PDIA3: variants seen among roughly 807,000 people sequenced by gnomAD.
PDIA3 encodes protein disulfide isomerase family A member 3.
In PDIA3, 16 loss-of-function variants were observed where a neutral mutation model predicts 56.9. The ratio of observed to expected loss-of-function variants is 0.28; its 90% CI spans 0.19 to 0.43. The LOEUF (loss-of-function observed/expected upper bound fraction) is 0.43. Among genes scored for constraint, PDIA3 ranks in the 20% least tolerant of loss-of-function variants. The pLI, the probability that PDIA3 is intolerant of heterozygous loss-of-function variation, is 1.00. For synonymous variants in PDIA3, 192 were observed against 216.5 expected (o/e 0.89, Z 0.99); for missense variants, 485 against 621.3 (o/e 0.78, Z 2.33).
At chr15:43,766,093 T>A in intron 7 of PDIA3, 81 bp downstream of exon 7, 2 of 1,191,878 alleles carry the variant, frequency 1.7e-6, no homozygotes. Context: ...TGTTGGTTCC[T>A]TAAGAATCTG....
intron 3 of PDIA3, among the ~76,000 whole-genome samples, chr15:43,759,147 G>A (rs1057386338): frequency 1.3e-5 from 2 of 151,892 alleles, no homozygotes; most frequent in African/African-American, 2.4e-5. Flanking sequence ...AAAATTAGCC[G>A]GGTGCAGTGG....
chr15:43,749,081 T>TTTTTG (rs560283150), intron 1 of PDIA3, among the ~76,000 whole-genome samples: 40 of 151,588 alleles, frequency 2.6e-4, no homozygotes, highest in Middle Eastern at 3.4e-3. Flanking sequence ...TGTTTTTTTG[T>TTTTTG]TTTTGTTTTG....
At chr15:43,749,696 G>T (rs2086731161) in intron 1 of PDIA3, among the ~76,000 whole-genome samples, 1 of 152,118 alleles carries the variant, frequency 6.6e-6, no homozygotes, top group African/African-American at 2.4e-5. Context: ...GGGAGGCTGA[G>T]TTGGGAAAAT....
At chr15:43,754,075 T>TA (rs1337807063) in intron 2 of PDIA3, among the ~76,000 whole-genome samples, 173 bp downstream of exon 2, 4 of 152,226 alleles carry the variant, frequency 2.6e-5, no homozygotes, top group Non-Finnish European at 5.9e-5. Context: ...TCTGGGCAAA[T>TA]ACACAACTGA....
intron 1 of PDIA3, chr15:43,751,893 A>C (rs1458127093): frequency 1.7e-5 from 9 of 527,804 alleles, no homozygotes; most frequent in Non-Finnish European, 2.7e-5. Context: ...AAGATAGTTG[A>C]AACAATTAAC....
At position 43,773,186 on chromosome 15, in the gene PDIA3, TACTC is replaced by T; in HGVS notation, c.*1971_*1974del. On this transcript the variant is annotated 3_prime_UTR_variant, in exon 13 of 13. Transcript: ENST00000300289. Reference sequence around the variant, plus strand: ...AATGTGGGACAATTTCTGGTGAAGGTACTCACAGCGACGCTTTTCTTCTCTGTAA... The same window carrying T: ...AATGTGGGACAATTTCTGGTGAAGGTACAGCGACGCTTTTCTTCTCTGTAA... 7 of 1,614,028 alleles carry T rather than the reference TACTC, an allele frequency of 4.3e-6. No individual in the cohort carries two copies. Among genetic ancestry groups the T allele is most frequent in the Non-Finnish European group, 5.9e-6 (7 of 1,179,990 alleles).
chr15:43,766,836 C>T lies in PDIA3; in HGVS notation c.954C>T (p.Ser318=). 1.2e-6 allele frequency: 2 copies of T among 1,613,390 alleles called. No individual in the cohort carries two copies. The highest frequency in any genetic ancestry group is 1.3e-5 in the African/African-American group (1 of 75,032). The part of the protein sequence containing the change: ...SHELSDFGLE[S]TAGEIPVVAI... ...AACTTTCTGATTTTGGCTTGGAGAG[C>T]ACTGCTGGAGAGATTCCTGTTGTTG... is the stretch of plus-strand genomic sequence containing the variant. Residue 318 remains serine (S), a synonymous_variant, in exon 8 of 13, where the codon AGC becomes AGT. Coordinates refer to ENST00000300289, the MANE Select transcript of PDIA3 (RefSeq NM_005313.5).
At chr15:43,751,319 A>G (rs1345019846) in intron 1 of PDIA3, among the ~76,000 whole-genome samples, 1 of 151,770 alleles carries the variant, frequency 6.6e-6, no homozygotes, top group Non-Finnish European at 1.5e-5. Flanking sequence ...TGGTGTTCCT[A>G]TAAGGAAAGG....
At chr15:43,758,198 T>C (rs1253516979) in intron 3 of PDIA3, among the ~76,000 whole-genome samples, 3 of 150,030 alleles carry the variant, frequency 2.0e-5, no homozygotes, top group Non-Finnish European at 4.4e-5. Flanking sequence ...GATCATGCCA[T>C]TGTACTCCAG....
intron 1 of PDIA3, among the ~76,000 whole-genome samples, chr15:43,753,139 G>C (rs1407222004): frequency 6.7e-6 from 1 of 150,280 alleles, no homozygotes; most frequent in Non-Finnish European, 1.5e-5. Flanking sequence ...GTGCAGTGGC[G>C]CGATGTCAGC....
rs745905098 is a variant in PDIA3 at position 43,761,461 on chromosome 15, A to G, written c.402A>G (p.Pro134=). Residue 134 remains proline (P), a synonymous_variant, in exon 4 of 13, where the codon CCA becomes CCG. Transcript: ENST00000300289. ...IVSHLKKQAG[P]ASVPLRTEEE... The stretch of plus-strand genomic sequence containing the variant: ...GCCACTTGAAGAAGCAGGCAGGACC[A>G]GCTTCAGTGCCTCTCAGGACTGAGG... 5 of 1,607,044 alleles carry G rather than the reference A, an allele frequency of 3.1e-6. No individual in the cohort carries two copies. Among genetic ancestry groups the G allele is most frequent in the Non-Finnish European group, 4.3e-6 (5 of 1,174,400 alleles).
chr15:43,760,531 T>A (rs12442692), intron 3 of PDIA3, among the ~76,000 whole-genome samples: 3 of 30,850 alleles, frequency 9.7e-5, no homozygotes, highest in African/African-American at 4.8e-5. Flanking sequence ...AAAAAAAAAC[T>A]TTTTTTTTTT....
At chr15:43,751,043 A>C (rs2086740324) in intron 1 of PDIA3, among the ~76,000 whole-genome samples, 1 of 151,588 alleles carries the variant, frequency 6.6e-6, no homozygotes, top group Non-Finnish European at 1.5e-5. Flanking sequence ...GAGGCAGGAG[A>C]ATTGCTTGAA....
intron 3 of PDIA3, among the ~76,000 whole-genome samples, chr15:43,758,674 TG>T (rs2086795404): frequency 7.1e-6 from 1 of 140,914 alleles, no homozygotes; most frequent in Non-Finnish European, 1.5e-5. Flanking sequence ...AAAAAAAGAT[TG>T]AAAAAATTAA....
At chr15:43,755,029 T>G (rs1478726828) in intron 2 of PDIA3, among the ~76,000 whole-genome samples, 1 of 151,690 alleles carries the variant, frequency 6.6e-6, no homozygotes, top group Non-Finnish European at 1.5e-5. Flanking sequence ...CTATAAAGGT[T>G]AAAATAATCA....
Position 43,771,236 on chromosome 15 carries a change from A to G in PDIA3, c.*18A>G. 1 of 1,494,992 alleles carries G rather than the reference A, an allele frequency of 6.7e-7. No homozygotes were observed. The highest frequency in any genetic ancestry group is 9.3e-7 in the Non-Finnish European group (1 of 1,076,272). The allele number at this position is 1,494,992 out of a possible 1,614,324, so 92.6% of individuals were successfully genotyped here. A position where few individuals can be genotyped will look rare whatever the true frequency, so the allele number is the denominator to read the frequency against. On this transcript the variant is annotated 3_prime_UTR_variant, in exon 13 of 13. Transcript: ENST00000300289. ...ATCTCTAAAGCAGTAGCCAAACACC[A>G]CTTTGTAAAAGGACTCTTCCATCAG...
At chr15:43,755,914 C>T (rs1352121068) in intron 2 of PDIA3, among the ~76,000 whole-genome samples, 3 of 88,628 alleles carry the variant, frequency 3.4e-5, no homozygotes, top group African/African-American at 1.3e-4. Flanking sequence ...AACTCCGTCT[C>T]AAAAAAAAAA....
At chr15:43,757,909 C>T (rs895027989) in intron 3 of PDIA3, among the ~76,000 whole-genome samples, 1 of 150,394 alleles carries the variant, frequency 6.6e-6, no homozygotes, top group Admixed American at 6.6e-5. Context: ...TATGGATAAC[C>T]ATCTCATACC....
Position 43,766,841 on chromosome 15 carries a change from C to T in PDIA3, c.959C>T (p.Ala320Val), listed in dbSNP as rs2086850263. 1.9e-6 allele frequency: 3 copies of T among 1,613,790 alleles called. No homozygotes were observed. Among genetic ancestry groups the T allele is most frequent in the East Asian group, 4.5e-5 (2 of 44,886 alleles). Residue 320 changes from alanine (A) to valine (V), a missense_variant, in exon 8 of 13, where the codon GCT becomes GTT. Physicochemically the swap from Ala to Val is moderately conservative, Grantham distance 64. Coordinates refer to ENST00000300289, the MANE Select transcript of PDIA3 (RefSeq NM_005313.5). Reference sequence around the variant, plus strand: ...TCTGATTTTGGCTTGGAGAGCACTGCTGGAGAGATTCCTGTTGTTGCTATC... The same window carrying T: ...TCTGATTTTGGCTTGGAGAGCACTGTTGGAGAGATTCCTGTTGTTGCTATC... ...ELSDFGLESTAGEIPVVAIRT... is the reference protein window; with the variant it reads ...ELSDFGLESTVGEIPVVAIRT...
Sources: allele counts gnomAD v4.1 joint callset (sites outside exome capture counted in the v4.1 genomes callset), GRCh38; gene constraint gnomAD v4.1.1; transcripts MANE v1.5; gene names NCBI Gene and HGNC (gene_info 2026-07-23, HGNC 2026-07-21).